Variants in CDH13 observed in about 807,000 individuals in gnomAD.
CDH13 encodes the protein cadherin 13.
Under a neutral mutation model 63.8 loss-of-function variants are expected in CDH13, and 24 were observed. The observed-to-expected ratio is 0.38, with a 90% CI of 0.27 to 0.53. The LOEUF (loss-of-function observed/expected upper bound fraction) is 0.53, where lower values mean the gene tolerates loss of function less well. Among genes scored for constraint, CDH13 ranks in the 20% least tolerant of loss-of-function variants. The pLI is 0.85. For missense variants in CDH13, 1,049 were observed against 903.1 expected, an observed-to-expected ratio of 1.16 and a Z score of -2.07; for synonymous variants, 503 against 355.3, an observed-to-expected ratio of 1.42 and a Z score of -4.67.
intron 2 of CDH13, among the ~76,000 whole-genome samples, chr16:82,999,977 A>C (rs989658065): frequency 6.6e-6 from 1 of 152,086 alleles, no homozygotes; most frequent in Non-Finnish European, 1.5e-5. Context: ...TGTGGGTAGA[A>C]TTCAGAGATG....
chr16:83,546,429 G>GT (rs57567072), intron 7 of CDH13, among the ~76,000 whole-genome samples: 2,384 of 143,498 alleles, frequency 0.017, 24 homozygotes, highest in African/African-American at 0.026. Flanking sequence ...CATACTACTG[G>GT]TTTTTTTTTT....
intron 1 of CDH13, among the ~76,000 whole-genome samples, chr16:82,807,730 T>C (rs972872002): frequency 6.6e-6 from 1 of 152,168 alleles, no homozygotes; most frequent in Non-Finnish European, 1.5e-5. Context: ...AAGAAGCAGT[T>C]AATTCCCAAA....
intron 8 of CDH13, among the ~76,000 whole-genome samples, chr16:83,621,944 G>A (rs1909857609): frequency 6.6e-6 from 1 of 152,128 alleles, no homozygotes; most frequent in Non-Finnish European, 1.5e-5. Context: ...GGGTTGGAGG[G>A]CTTCTTTCAA....
intron 6 of CDH13, among the ~76,000 whole-genome samples, chr16:83,415,851 G>A (rs1226589806): frequency 2.0e-5 from 3 of 152,046 alleles, no homozygotes; most frequent in Admixed American, 6.5e-5. Flanking sequence ...AACAAGATAG[G>A]GATACTCACT....
chr16:83,494,011 T>C lies in CDH13; in HGVS notation c.960+7356T>C, dbSNP rs530074830. On this transcript the variant is annotated intron_variant, in intron 7 of 13. Transcript: ENST00000567109. ...CGTAGGTATTTTCTTTCTTCTGTTC[T>C]TGGGCTTCTTAAAGTATCAGACAAT... 5.9e-5 allele frequency among the ~76,000 whole-genome samples: 9 copies of C among 152,362 alleles called. No individual in the cohort carries two copies. The South Asian group carries it at 1.5e-3, about 25-fold the overall frequency.
chr16:82,913,093 C>A (rs1190603520), intron 2 of CDH13, among the ~76,000 whole-genome samples: 1 of 152,084 alleles, frequency 6.6e-6, no homozygotes. Flanking sequence ...ATGTATGAGA[C>A]TCTCTGAGTA....
intron 6 of CDH13, among the ~76,000 whole-genome samples, chr16:83,464,734 A>G (rs940303246): frequency 1.3e-5 from 2 of 152,136 alleles, no homozygotes; most frequent in African/African-American, 2.4e-5. Context: ...ATTTTAACTA[A>G]TTACATCCGA....
chr16:83,532,686 C>A (rs1323726122), intron 7 of CDH13, among the ~76,000 whole-genome samples: 1 of 152,208 alleles, frequency 6.6e-6, no homozygotes, highest in Non-Finnish European at 1.5e-5. Flanking sequence ...TGCACCATGC[C>A]TGGTGCCTTG....
chr16:83,602,676 C>A lies in CDH13; in HGVS notation c.1101+82C>A, dbSNP rs182244961. The A allele has an allele frequency of 7.3e-6, 10 of 1,369,752 alleles. No individual in the cohort carries two copies. In the Admixed American group the frequency reaches 1.7e-4, roughly 23 times the overall value. The allele number at this position is 1,369,752 out of a possible 1,614,324, so 84.8% of individuals were successfully genotyped here. ...TGATGTTAATTCACGTACCACAGCA[C>A]CTGCTGGCCCCCCTTTCAAAATCAA... On this transcript the variant is annotated intron_variant, in intron 8 of 13. Coordinates refer to ENST00000567109, the MANE Select transcript of CDH13 (RefSeq NM_001257.5).
chr16:82,812,798 C>A (rs778160711), intron 1 of CDH13, among the ~76,000 whole-genome samples: 3 of 151,740 alleles, frequency 2.0e-5, no homozygotes, highest in Non-Finnish European at 2.9e-5. Flanking sequence ...TCCTTTCCTT[C>A]TCTTCCTTCC....
At chr16:82,639,541 A>C (rs1214180485) in intron 1 of CDH13, 12 of 931,186 alleles carry the variant, frequency 1.3e-5, no homozygotes, top group Non-Finnish European at 1.8e-5. Context: ...CTGTTGCCTA[A>C]GTCAGTGCTT....
intron 7 of CDH13, among the ~76,000 whole-genome samples, chr16:83,515,533 T>C (rs1453491643): frequency 6.6e-6 from 1 of 152,198 alleles, no homozygotes; most frequent in Non-Finnish European, 1.5e-5. Context: ...TGATACAAGC[T>C]AGAAAAAGAT....
intron 3 of CDH13, 81 bp from the exon 4 acceptor site, chr16:83,125,304 A>G: frequency 1.3e-6 from 1 of 781,932 alleles, no homozygotes; most frequent in Non-Finnish European, 2.2e-6. Flanking sequence ...TGCTTTCCCA[A>G]CAAAGGAACT....
intron 1 of CDH13, among the ~76,000 whole-genome samples, chr16:82,830,332 C>T (rs1327134239): frequency 6.6e-6 from 1 of 152,238 alleles, no homozygotes; most frequent in Admixed American, 6.5e-5. Context: ...TCTGTTATGA[C>T]ATACCTGGTG....
chr16:83,731,104 G>A (rs1029900972), intron 10 of CDH13, among the ~76,000 whole-genome samples: 1 of 152,200 alleles, frequency 6.6e-6, no homozygotes. Flanking sequence ...TTGCCATTGT[G>A]CATTGTGCTG....
chr16:83,529,157 C>T (rs1022495110), intron 7 of CDH13, among the ~76,000 whole-genome samples: 1 of 150,958 alleles, frequency 6.6e-6, no homozygotes, highest in African/African-American at 2.4e-5. Flanking sequence ...AAGTTAAGCC[C>T]CATTGTTAGG....
chr16:83,031,372 ATG>A, intron 2 of CDH13, among the ~76,000 whole-genome samples: 1 of 70,858 alleles, frequency 1.4e-5, no homozygotes, highest in African/African-American at 6.9e-5. Flanking sequence ...GTACATGTAT[ATG>A]TATACACGTA....
At chr16:82,745,408 A>C (rs1202018452) in intron 1 of CDH13, among the ~76,000 whole-genome samples, 1 of 152,198 alleles carries the variant, frequency 6.6e-6, no homozygotes, top group African/African-American at 2.4e-5. Context: ...CAGAAAGCTG[A>C]GAAAGAAAAT....
chr16:83,177,577 C>G (rs1265354801), intron 4 of CDH13, among the ~76,000 whole-genome samples: 1 of 152,152 alleles, frequency 6.6e-6, no homozygotes, highest in Non-Finnish European at 1.5e-5. Context: ...AAGAAGAGCA[C>G]TTAATATTAG....
Sources: allele counts gnomAD v4.1 joint callset (sites outside exome capture counted in the v4.1 genomes callset), GRCh38; gene constraint gnomAD v4.1.1; transcripts MANE v1.5; gene names NCBI Gene and HGNC (gene_info 2026-07-23, HGNC 2026-07-21).